ARHGAP25: variants seen among roughly 807,000 people sequenced by gnomAD.
The protein encoded by ARHGAP25 is rho GTPase-activating protein 25.
A neutral mutation model predicts 71.0 loss-of-function variants in ARHGAP25; 34 were observed. The ratio of observed to expected loss-of-function variants is 0.48; its 90% CI spans 0.36 to 0.64. ARHGAP25 has a LOEUF of 0.64. Ranked by LOEUF, ARHGAP25 falls within the 30% of genes least tolerant of loss-of-function variation. ARHGAP25 has a pLI of 0.00. For synonymous variants in ARHGAP25, 282 were observed against 296.5 expected, an observed-to-expected ratio of 0.95 and a Z score of 0.50; for missense variants, 706 against 805.1, an observed-to-expected ratio of 0.88 and a Z score of 1.49.
At chr2:68,746,311 G>A (rs945430893) in intron 1 of ARHGAP25, among the ~76,000 whole-genome samples, 2 of 152,068 alleles carry the variant, frequency 1.3e-5, no homozygotes, top group Non-Finnish European at 2.9e-5. Context: ...TATCTCCATT[G>A]CTGCCCATAG....
chr2:68,754,533 C>G (rs1573442009), intron 1 of ARHGAP25, among the ~76,000 whole-genome samples: 1 of 152,296 alleles, frequency 6.6e-6, no homozygotes, highest in African/African-American at 2.4e-5. Context: ...TACGAATAAA[C>G]TGTTGTAAAT....
At chr2:68,775,007 A>C in intron 1 of ARHGAP25, 1 of 1,459,282 alleles carries the variant, frequency 6.9e-7, no homozygotes, top group African/African-American at 1.4e-5. Context: ...CCTGGGTTTT[A>C]TTCTTGGCCT....
At chr2:68,772,092 T>C (rs1677523628) in intron 1 of ARHGAP25, among the ~76,000 whole-genome samples, 1 of 152,260 alleles carries the variant, frequency 6.6e-6, no homozygotes, top group South Asian at 2.1e-4. Flanking sequence ...CAACAAAGCA[T>C]GAAAAATTTC....
At chr2:68,753,872 C>A (rs1676324442) in intron 1 of ARHGAP25, among the ~76,000 whole-genome samples, 1 of 151,106 alleles carries the variant, frequency 6.6e-6, no homozygotes, top group South Asian at 2.1e-4. Flanking sequence ...CAAATGAAAA[C>A]AATGTTTTTA....
At chr2:68,739,943 C>G (rs994081459) in intron 1 of ARHGAP25, among the ~76,000 whole-genome samples, 1 of 152,140 alleles carries the variant, frequency 6.6e-6, no homozygotes, top group South Asian at 2.1e-4. Context: ...GTCTGGCAGA[C>G]CTAGAATATA....
chr2:68,798,477 C>A (rs1434423866), intron 4 of ARHGAP25, among the ~76,000 whole-genome samples: 1 of 150,112 alleles, frequency 6.7e-6, no homozygotes. Context: ...TATGCTAACA[C>A]TGGGGCACAA....
intron 4 of ARHGAP25, among the ~76,000 whole-genome samples, chr2:68,796,858 G>A (rs899198730): frequency 9.9e-5 from 15 of 152,148 alleles, no homozygotes; most frequent in Admixed American, 7.2e-4. Context: ...TTTGGGCAGC[G>A]AGGATGGTGG....
At chr2:68,726,087 G>A (rs947493732) in intron 2 of ARHGAP25, among the ~76,000 whole-genome samples, 2 of 151,840 alleles carry the variant, frequency 1.3e-5, no homozygotes, top group African/African-American at 4.8e-5. Context: ...CATCTAACAC[G>A]TTACATTTAT....
chr2:68,714,495 T>C (rs1211075064), intron 2 of ARHGAP25, among the ~76,000 whole-genome samples: 1 of 152,252 alleles, frequency 6.6e-6, no homozygotes, highest in Non-Finnish European at 1.5e-5. Context: ...TCTTCTGCTC[T>C]GATCTTAGTT....
At chr2:68,819,512 C>T in intron 9 of ARHGAP25, 193 bp downstream of exon 9, 1 of 715,410 alleles carries the variant, frequency 1.4e-6, no homozygotes, top group Middle Eastern at 2.3e-4. Context: ...CTATTGGCAT[C>T]TTTGAGGGGG....
At chr2:68,760,627 C>T (rs1371192613) in intron 1 of ARHGAP25, among the ~76,000 whole-genome samples, 1 of 151,848 alleles carries the variant, frequency 6.6e-6, no homozygotes, top group Non-Finnish European at 1.5e-5. Flanking sequence ...AACTTAACCA[C>T]CAGAAGGTGA....
At chr2:68,781,720 T>C (rs1678353223) in intron 2 of ARHGAP25, among the ~76,000 whole-genome samples, 1 of 152,226 alleles carries the variant, frequency 6.6e-6, no homozygotes, top group Admixed American at 6.5e-5. Flanking sequence ...ATAATGATAC[T>C]TTCCTTAGAG....
intron 10 of ARHGAP25, among the ~76,000 whole-genome samples, chr2:68,824,900 C>G (rs1193516620): frequency 2.0e-5 from 3 of 152,150 alleles, no homozygotes; most frequent in South Asian, 4.1e-4. Context: ...CATGGGAGCT[C>G]AAGTCTCCCT....
At chr2:68,756,588 G>GA (rs1281075376) in intron 1 of ARHGAP25, among the ~76,000 whole-genome samples, 4 of 152,148 alleles carry the variant, frequency 2.6e-5, no homozygotes, top group Non-Finnish European at 5.9e-5. Context: ...TGCAGCCTCA[G>GA]AAAAGACCTA....
intron 5 of ARHGAP25, among the ~76,000 whole-genome samples, chr2:68,808,262 C>T (rs539797799): frequency 6.6e-6 from 1 of 152,254 alleles, no homozygotes; most frequent in South Asian, 2.1e-4. Flanking sequence ...AATTAGCAGC[C>T]CATAAACCAA....
In ARHGAP25 at chr2:68,826,088, G is replaced by A. The variant is rs374053151; in HGVS notation, c.1835G>A (p.Arg612His). 37 of 1,613,964 alleles carry A rather than the reference G, an allele frequency of 2.3e-5. No homozygotes were observed. In the Admixed American group the frequency reaches 2.3e-4, roughly 10 times the overall value. Reference protein sequence around the residue: ...KKSAALEISLRNMERSREDVE... With the variant: ...KKSAALEISLHNMERSREDVE... ...TCTGCAGCCCTAGAGATCAGCCTCC[G>A]CAACATGGAGCGCTCCCGGGAGGAT... Residue 612 changes from arginine (R) to histidine (H), a missense_variant, in exon 11 of 11, where the codon CGC becomes CAC. Arg to His is a conservative substitution (Grantham distance 29, BLOSUM62 0). Coordinates refer to ENST00000409202, the MANE Select transcript of ARHGAP25 (RefSeq NM_001007231.3).
chr2:68,731,307 G>A (rs926886964), upstream of ARHGAP25, among the ~76,000 whole-genome samples: 4 of 152,064 alleles, frequency 2.6e-5, no homozygotes, highest in South Asian at 4.1e-4. Flanking sequence ...TTCCAGTGAC[G>A]AGCTGGGATC....
intron 4 of ARHGAP25, among the ~76,000 whole-genome samples, chr2:68,798,940 A>C (rs2104424826): frequency 6.6e-6 from 1 of 152,308 alleles, no homozygotes; most frequent in East Asian, 1.9e-4. Context: ...GAAAAAGGTG[A>C]AAAAAATCAG....
At chr2:68,725,646 A>C (rs1022196142) in intron 2 of ARHGAP25, among the ~76,000 whole-genome samples, 4 of 152,154 alleles carry the variant, frequency 2.6e-5, no homozygotes, top group African/African-American at 9.7e-5. Context: ...AAAAGTATAC[A>C]TCAAATCAAG....
Sources: gnomAD v4.1 joint callset for allele counts (sites outside exome capture counted in the v4.1 genomes callset) on GRCh38, gnomAD v4.1.1 for gene constraint, MANE v1.5 for transcripts, NCBI Gene and HGNC (gene_info 2026-07-23, HGNC 2026-07-21) for gene names.